The following SGCD variants were observed in gnomAD, a reference collection of about 807,000 sequenced individuals.
SGCD encodes the protein delta-sarcoglycan.
Under a neutral mutation model 36.6 loss-of-function variants are expected in SGCD, and 18 were observed. The observed-to-expected ratio is 0.49, with a 90% CI of 0.34 to 0.73. SGCD has a LOEUF of 0.73. Ranked by LOEUF, SGCD falls within the 30% of genes least tolerant of loss-of-function variation. The pLI is 0.01. For synonymous variants in SGCD, 133 were observed against 130.6 expected, an observed-to-expected ratio of 1.02 and a Z score of -0.12; for missense variants, 387 against 346.7, an observed-to-expected ratio of 1.12 and a Z score of -0.92.
intron 3 of SGCD, among the ~76,000 whole-genome samples, chr5:156,475,622 G>A (rs1195660543): frequency 2.0e-5 from 3 of 152,098 alleles, no homozygotes; most frequent in East Asian, 1.9e-4. Flanking sequence ...TTTTCTCCCC[G>A]AAGCCAACAC....
rs112413764 is a variant in SGCD, at chr5:155,883,737, G to A, written c.-282+13313G>A. On this transcript the variant is annotated intron_variant, in intron 1 of 9. Coordinates refer to the SGCD transcript ENST00000517913. ...TAAATGAAGTGTGTACATACTATTG[G>A]AAAAATTGTGCCGATAGACTTGCTG... is the stretch of plus-strand genomic sequence containing the variant. 5.4e-3 allele frequency among the ~76,000 whole-genome samples: 682 copies of A among 125,382 alleles called. 1 individual carries two copies. Among genetic ancestry groups the A allele is most frequent in the Non-Finnish European group, 6.8e-3 (434 of 63,908 alleles). The allele number at this position is 125,382 out of a possible 152,430, so 82.3% of individuals were successfully genotyped here.
At chr5:156,597,178 A>G (rs1423372497) in intron 6 of SGCD, among the ~76,000 whole-genome samples, 1 of 152,166 alleles carries the variant, frequency 6.6e-6, no homozygotes, top group East Asian at 1.9e-4. Flanking sequence ...TTTTTATACA[A>G]TGTTTTCCAG....
chr5:156,079,871 C>T (rs1760904263), intron 1 of SGCD, among the ~76,000 whole-genome samples: 1 of 152,214 alleles, frequency 6.6e-6, no homozygotes, highest in Non-Finnish European at 1.5e-5. Flanking sequence ...ATATGGAGGA[C>T]CGTGGCCTCA....
chr5:156,507,804 G>A (rs745754108), intron 3 of SGCD, among the ~76,000 whole-genome samples: 2 of 152,170 alleles, frequency 1.3e-5, no homozygotes, highest in South Asian at 2.1e-4. Flanking sequence ...TTAGGAACTG[G>A]CCTAGTATTT....
At position 156,290,387 on chromosome 5, in the gene SGCD, C is replaced by T. The variant is rs573468709; in HGVS notation, c.-43-39147C>T. ...ATCTGTGATCATTGCCTGGTTACTC[C>T]CTAGTATCTTTTTCAAGAAATAAGG... On this transcript the variant is annotated intron_variant, in intron 3 of 9. Transcript: ENST00000517913. Among the ~76,000 whole-genome samples, 82 of 152,192 alleles carry T rather than the reference C, an allele frequency of 5.4e-4. 1 individual carries two copies. The highest frequency in any genetic ancestry group is 9.1e-4 in the Non-Finnish European group (62 of 68,000).
chr5:156,753,967 A>G (rs1757247389), intron 7 of SGCD, among the ~76,000 whole-genome samples: 1 of 152,252 alleles, frequency 6.6e-6, no homozygotes, highest in African/African-American at 2.4e-5. Context: ...ATCAAAGGAC[A>G]TTAAGCTGGG....
intron 1 of SGCD, among the ~76,000 whole-genome samples, chr5:155,978,113 TAAA>T (rs933687411): frequency 9.4e-5 from 14 of 149,718 alleles, no homozygotes; most frequent in Admixed American, 8.6e-4. Flanking sequence ...TAAAATAAAA[TAAA>T]ATAAAAATAA....
chr5:156,285,449 C>G (rs933184074), intron 3 of SGCD, among the ~76,000 whole-genome samples: 2 of 152,202 alleles, frequency 1.3e-5, no homozygotes, highest in African/African-American at 4.8e-5. Flanking sequence ...GTAACCAAAA[C>G]AGCATGGTAC....
intron 6 of SGCD, among the ~76,000 whole-genome samples, chr5:156,595,936 A>C (rs190822921): frequency 6.6e-6 from 1 of 152,202 alleles, no homozygotes; most frequent in African/African-American, 2.4e-5. Flanking sequence ...TGCTGAAATG[A>C]TCTAGCATGG....
chr5:155,749,719 G>A, the SGCD span, among the ~76,000 whole-genome samples: 1 of 152,186 alleles, frequency 6.6e-6, no homozygotes, highest in Non-Finnish European at 1.5e-5. Context: ...TATCATTCAT[G>A]AATGGAAGTA....
At chr5:156,127,854 C>CAAAAAAAAA (rs56822746) in intron 3 of SGCD, among the ~76,000 whole-genome samples, 2 of 18,448 alleles carry the variant, frequency 1.1e-4, no homozygotes, top group Non-Finnish European at 2.0e-4. Flanking sequence ...AACATAAATG[C>CAAAAAAAAA]AAAAAAAAAA....
chr5:156,650,262 A>G (rs1282875018), intron 7 of SGCD, among the ~76,000 whole-genome samples: 1 of 152,160 alleles, frequency 6.6e-6, no homozygotes, highest in Non-Finnish European at 1.5e-5. Flanking sequence ...TACTTTGTGT[A>G]GTTGGTTTAT....
At chr5:156,204,469 C>G (rs934004698) in intron 3 of SGCD, among the ~76,000 whole-genome samples, 38 of 107,354 alleles carry the variant, frequency 3.5e-4, no homozygotes, top group Non-Finnish European at 7.1e-4. Context: ...AGCCAACACA[C>G]TCATACACAC....
chr5:156,406,805 TATATATATATATATACACAC>T (rs1375869068), intron 3 of SGCD, among the ~76,000 whole-genome samples: 7 of 84,136 alleles, frequency 8.3e-5, no homozygotes, highest in Non-Finnish European at 1.5e-4. Context: ...TATATATATA[TATATATATATATATACACAC>T]ACACACACAC....
At chr5:156,459,241 C>A (rs1445692604) in intron 3 of SGCD, among the ~76,000 whole-genome samples, 1 of 152,118 alleles carries the variant, frequency 6.6e-6, no homozygotes, top group Non-Finnish European at 1.5e-5. Flanking sequence ...AGTGCTGAGA[C>A]AGATGGACAT....
At chr5:155,821,602 T>C in the SGCD span, among the ~76,000 whole-genome samples, 1 of 152,212 alleles carries the variant, frequency 6.6e-6, no homozygotes, top group Non-Finnish European at 1.5e-5. Context: ...TGTGAGCTAC[T>C]GTGCCTGGCC....
intron 4 of SGCD, among the ~76,000 whole-genome samples, chr5:156,528,728 T>C (rs1757747731): frequency 6.6e-6 from 1 of 152,208 alleles, no homozygotes; most frequent in African/African-American, 2.4e-5. Flanking sequence ...CTCTGCAGCT[T>C]TGACCTCCTA....
intron 6 of SGCD, among the ~76,000 whole-genome samples, chr5:156,608,088 T>G (rs555482222): frequency 6.6e-6 from 1 of 152,316 alleles, no homozygotes; most frequent in Non-Finnish European, 1.5e-5. Flanking sequence ...TCTGCTAGTT[T>G]TTGAATGTGT....
chr5:156,239,430 G>T (rs948841422), intron 3 of SGCD, among the ~76,000 whole-genome samples: 1 of 146,230 alleles, frequency 6.8e-6, no homozygotes. Context: ...AATTAGATTT[G>T]GTCAGTGCAA....
Sources: gnomAD v4.1 joint callset for allele counts (sites outside exome capture counted in the v4.1 genomes callset) on GRCh38, gnomAD v4.1.1 for gene constraint, MANE v1.5 for transcripts, NCBI Gene and HGNC (gene_info 2026-07-23, HGNC 2026-07-21) for gene names.